Variants in SSH2 observed in about 807,000 individuals in gnomAD.
SSH2 encodes protein phosphatase Slingshot homolog 2.
A neutral mutation model predicts 135.2 loss-of-function variants in SSH2; 37 were observed. The observed-to-expected ratio is 0.27, with a 90% CI of 0.21 to 0.36. The LOEUF (loss-of-function observed/expected upper bound fraction) is 0.36, where lower values mean the gene tolerates loss of function less well. Among genes scored for constraint, SSH2 ranks in the 10% least tolerant of loss-of-function variants. The probability of loss-of-function intolerance (pLI) is 1.00; values close to 1 mark genes in which losing one functional copy is unlikely to be tolerated. For missense variants in SSH2, 1,408 were observed against 1,765.3 expected (o/e 0.80, Z 3.63); for synonymous variants, 628 against 646.2 (o/e 0.97, Z 0.43).
At chr17:29,760,478 GA>G (rs2041256399) in intron 3 of SSH2, among the ~76,000 whole-genome samples, 1 of 152,164 alleles carries the variant, frequency 6.6e-6, no homozygotes, top group African/African-American at 2.4e-5. Flanking sequence ...ACACTTCTCA[GA>G]AACAGCTAAA....
At chr17:29,771,106 G>A (rs138309112) in intron 3 of SSH2, among the ~76,000 whole-genome samples, 42 of 152,226 alleles carry the variant, frequency 2.8e-4, no homozygotes, top group African/African-American at 9.6e-4. Flanking sequence ...ATCAATTCCT[G>A]GTTTATAGTA....
intron 2 of SSH2, among the ~76,000 whole-genome samples, chr17:29,843,185 T>C (rs1365836252): frequency 1.3e-5 from 2 of 152,180 alleles, no homozygotes; most frequent in African/African-American, 4.8e-5. Context: ...TGGATGTTCA[T>C]CCACTACTAT....
At chr17:29,755,065 T>TA in intron 3 of SSH2, among the ~76,000 whole-genome samples, 1 of 152,208 alleles carries the variant, frequency 6.6e-6, no homozygotes, top group Middle Eastern at 3.2e-3. Context: ...TATATAATGA[T>TA]AACACTAACA....
rs554721300 is a variant in SSH2, at chr17:29,743,344, AAAG to A, written c.189-40285_189-40283del. ...CTGAAGTTATTTATAAGATTGCCAT[AAAG>A]AAGAGCACTGACATTCAATATTTAT... On this transcript the variant is annotated intron_variant, in intron 3 of 15. Coordinates refer to ENST00000540801, the MANE Select transcript of SSH2 (RefSeq NM_001282129.2). Among the ~76,000 whole-genome samples, 130 of 152,336 alleles carry A rather than the reference AAAG, an allele frequency of 8.5e-4. 1 individual carries two copies. Among genetic ancestry groups the A allele is most frequent in the African/African-American group, 2.8e-3 (116 of 41,574 alleles).
chr17:29,876,929 A>G (rs537269085), intron 1 of SSH2, among the ~76,000 whole-genome samples: 16 of 152,224 alleles, frequency 1.1e-4, no homozygotes, highest in Admixed American at 1.0e-3. Context: ...AAGTGAAGAG[A>G]CAACCCACAA....
chr17:29,869,981 T>A (rs76654530), intron 1 of SSH2, among the ~76,000 whole-genome samples: 1 of 149,704 alleles, frequency 6.7e-6, no homozygotes, highest in Non-Finnish European at 1.5e-5. Context: ...GTCGGTACTA[T>A]TTTTTTTTTC....
intron 1 of SSH2, among the ~76,000 whole-genome samples, chr17:29,874,960 C>G (rs1179649214): frequency 6.6e-6 from 1 of 152,098 alleles, no homozygotes; most frequent in Non-Finnish European, 1.5e-5. Flanking sequence ...AGTACCAGGA[C>G]TTTAAATATC....
intron 1 of SSH2, among the ~76,000 whole-genome samples, chr17:29,868,535 C>T (rs939080846): frequency 3.3e-5 from 5 of 151,906 alleles, no homozygotes; most frequent in Admixed American, 6.6e-5. Context: ...CTCAGGAGTT[C>T]GAGATGAGCC....
At chr17:29,866,358 G>C (rs1032036505) in intron 1 of SSH2, among the ~76,000 whole-genome samples, 1 of 152,186 alleles carries the variant, frequency 6.6e-6, no homozygotes, top group Non-Finnish European at 1.5e-5. Context: ...TGCAAAAGCA[G>C]TCATTCATAT....
intron 2 of SSH2, among the ~76,000 whole-genome samples, chr17:29,832,003 C>T (rs1374113197): frequency 6.6e-6 from 1 of 152,160 alleles, no homozygotes; most frequent in Non-Finnish European, 1.5e-5. Context: ...TCAAATTTGG[C>T]AAGGAATGGA....
At chr17:29,685,751 T>C (rs1457126393) in intron 5 of SSH2, among the ~76,000 whole-genome samples, 1 of 147,350 alleles carries the variant, frequency 6.8e-6, no homozygotes, top group African/African-American at 2.5e-5. Context: ...ATCACCCCAC[T>C]GCCCTCCAGC....
At chr17:29,787,538 A>G (rs917202440) in intron 3 of SSH2, 7 of 151,930 alleles carry the variant, frequency 4.6e-5, no homozygotes, top group African/African-American at 1.7e-4. Context: ...TTCTATTTTT[A>G]ATTTTTTGAA....
chr17:29,864,057 A>G (rs1482721177), intron 1 of SSH2: 1 of 152,140 alleles, frequency 6.6e-6, no homozygotes, highest in Non-Finnish European at 1.5e-5. Context: ...GTACCCCTGC[A>G]CTTTGGGAGG....
intron 3 of SSH2, among the ~76,000 whole-genome samples, chr17:29,732,235 A>G (rs1362049300): frequency 6.6e-6 from 1 of 152,188 alleles, no homozygotes; most frequent in Non-Finnish European, 1.5e-5. Flanking sequence ...CTTTCTTCTT[A>G]GTAGGCAAAA....
intron 3 of SSH2, among the ~76,000 whole-genome samples, chr17:29,754,464 C>T (rs760909233): frequency 2.0e-5 from 3 of 152,140 alleles, no homozygotes; most frequent in Non-Finnish European, 2.9e-5. Context: ...CTACTGCTGA[C>T]GCTGAGCCTT....
Position 29,880,776 on chromosome 17 carries a change from A to T in SSH2, c.64-31847T>A, listed in dbSNP as rs117016632. On this transcript the variant is annotated intron_variant, in intron 1 of 15. Transcript: ENST00000540801. ...AAGGTTTTTTCTTCTCCCTGAGAAC[A>T]CTACCTCATATTTGAGTAATACTTT... is the stretch of plus-strand genomic sequence containing the variant. Among the ~76,000 whole-genome samples the T allele has an allele frequency of 8.3e-4, 126 of 152,306 alleles. 1 individual carries two copies. The East Asian group carries it at 0.021, about 25-fold the overall frequency.
In SSH2 at chr17:29,636,686, G is replaced by C; in HGVS notation, c.1544C>G (p.Ala515Gly). 1 of 1,614,144 alleles carries C rather than the reference G, an allele frequency of 6.2e-7. No individual in the cohort carries two copies. Among genetic ancestry groups the C allele is most frequent in the Non-Finnish European group, 8.5e-7 (1 of 1,180,012 alleles). The change falls in exon 15 of 16, where the codon GCA becomes GGA. Residue 515 changes from alanine (A) to glycine (G), a missense_variant. Ala to Gly is a moderately conservative substitution (Grantham distance 60). Coordinates refer to ENST00000540801, the MANE Select transcript of SSH2 (RefSeq NM_001282129.2). ...GGTCTTCACCTCAGCAATCTGGTCT[G>C]CTGAGGTGGTGATATCCTTCTTGTT... is the stretch of plus-strand genomic sequence containing the variant. Reference protein sequence around the residue: ...ELNKKDITTSADQIAEVKTME... With the variant: ...ELNKKDITTSGDQIAEVKTME...
intron 1 of SSH2, among the ~76,000 whole-genome samples, chr17:29,925,719 TAAAGG>T (rs1198182260): frequency 2.0e-5 from 3 of 149,052 alleles, no homozygotes; most frequent in Admixed American, 1.3e-4. Flanking sequence ...AAAAAAAAAA[TAAAGG>T]AAAGAAAGAA....
chr17:29,816,154 C>A (rs62068616), intron 2 of SSH2, among the ~76,000 whole-genome samples: 5 of 152,190 alleles, frequency 3.3e-5, no homozygotes, highest in African/African-American at 9.6e-5. Flanking sequence ...TGGCCTAGAG[C>A]CCTGATTTTT....
Sources: gnomAD v4.1 joint callset for allele counts (sites outside exome capture counted in the v4.1 genomes callset) on GRCh38, gnomAD v4.1.1 for gene constraint, MANE v1.5 for transcripts, NCBI Gene and HGNC (gene_info 2026-07-23, HGNC 2026-07-21) for gene names.